SMOC2: variants seen among roughly 807,000 people sequenced by gnomAD.
The protein encoded by SMOC2 is SPARC-related modular calcium-binding protein 2.
SMOC2 carries 39 observed loss-of-function variants against 61.4 expected under a neutral mutation model. The observed-to-expected ratio is 0.64, with a 90% confidence interval of 0.49 to 0.83. The LOEUF is 0.83. SMOC2 is among the 40% of genes least tolerant of loss of function. The pLI is 0.00. For missense variants in SMOC2, 556 were observed against 592.9 expected, an observed-to-expected ratio of 0.94 and a Z score of 0.65; for synonymous variants, 247 against 239.9, an observed-to-expected ratio of 1.03 and a Z score of -0.27.
At chr6:168,497,437 G>A (rs186696474) in intron 1 of SMOC2, among the ~76,000 whole-genome samples, 2 of 152,312 alleles carry the variant, frequency 1.3e-5, no homozygotes, top group African/African-American at 4.8e-5. Context: ...TCCTTTCATA[G>A]GTATCTGTGG....
chr6:168,501,237 G>A (rs1040964599), intron 1 of SMOC2, among the ~76,000 whole-genome samples: 1 of 152,162 alleles, frequency 6.6e-6, no homozygotes, highest in Non-Finnish European at 1.5e-5. Flanking sequence ...AATAACCTGA[G>A]AGATTTCTTA....
At position 168,650,686 on chromosome 6, in the gene SMOC2, C is replaced by T. The variant is rs1288120149; in HGVS notation, c.913C>T (p.Pro305Ser). 2.5e-6 allele frequency: 4 copies of T among 1,613,138 alleles called. No homozygotes were observed. Among genetic ancestry groups the T allele is most frequent in the Admixed American group, 3.3e-5 (2 of 59,954 alleles). ...AACATACACGTGTTTTTCAGGTTGT[C>T]CGGGTGCCAAAAAGCATGAGTTTCT... is the stretch of plus-strand genomic sequence containing the variant. ...LYKGRQLQGC[P>S]GAKKHEFLTS... is the part of the protein sequence containing the mutation. Residue 305 changes from proline to serine, a missense_variant, in exon 10 of 13, where the codon CCG (proline) becomes TCG (serine). By Grantham distance (74) the Pro-to-Ser change is moderately conservative. Coordinates refer to ENST00000356284, the MANE Select transcript of SMOC2 (RefSeq NM_001166412.2).
intron 11 of SMOC2, among the ~76,000 whole-genome samples, chr6:168,658,375 G>A (rs1472127924): frequency 6.6e-6 from 1 of 152,176 alleles, no homozygotes; most frequent in African/African-American, 2.4e-5. Flanking sequence ...GAAAATTAAG[G>A]ATGGGTAGAG....
chr6:168,572,372 C>T (rs1293379986), intron 7 of SMOC2, among the ~76,000 whole-genome samples: 1 of 17,636 alleles, frequency 5.7e-5, no homozygotes, highest in Non-Finnish European at 9.3e-5. Flanking sequence ...TCCCCGCATC[C>T]CCGGGTGCCG....
chr6:168,652,149 C>A (rs1787211062), intron 10 of SMOC2, among the ~76,000 whole-genome samples: 1 of 151,890 alleles, frequency 6.6e-6, no homozygotes. Context: ...AAACTGCAAA[C>A]TAAAAATGAA....
chr6:168,477,634 G>A (rs1486441821), intron 1 of SMOC2, among the ~76,000 whole-genome samples: 1 of 152,148 alleles, frequency 6.6e-6, no homozygotes, highest in Non-Finnish European at 1.5e-5. Flanking sequence ...AAGCAGGGTT[G>A]TTTCTTATTG....
intron 9 of SMOC2, among the ~76,000 whole-genome samples, chr6:168,650,376 C>G (rs995545441): frequency 6.4e-4 from 98 of 152,218 alleles, no homozygotes; most frequent in African/African-American, 2.2e-3. Context: ...CCCGGTGCCT[C>G]TGCTGCCACA....
chr6:168,558,938 C>G (rs538612871), intron 7 of SMOC2, among the ~76,000 whole-genome samples: 1 of 151,034 alleles, frequency 6.6e-6, no homozygotes, highest in Non-Finnish European at 1.5e-5. Flanking sequence ...CACGTGTGTG[C>G]GTGTGCATGC....
intron 2 of SMOC2, among the ~76,000 whole-genome samples, chr6:168,522,482 C>T (rs911464151): frequency 6.6e-5 from 10 of 152,154 alleles, no homozygotes; most frequent in African/African-American, 2.4e-4. Flanking sequence ...AAATATGGTC[C>T]ATCTGTTCAA....
chr6:168,466,323 G>T (rs1781831672), intron 1 of SMOC2, among the ~76,000 whole-genome samples: 1 of 151,872 alleles, frequency 6.6e-6, no homozygotes, highest in Non-Finnish European at 1.5e-5. Context: ...AACTGGAACT[G>T]GGGTGCTCTG....
intron 4 of SMOC2, among the ~76,000 whole-genome samples, chr6:168,529,032 A>T (rs574234166): frequency 2.0e-5 from 3 of 152,308 alleles, no homozygotes; most frequent in East Asian, 3.9e-4. Context: ...TAGTGATATC[A>T]TCTGATAATT....
chr6:168,640,606 G>A (rs777623299), intron 9 of SMOC2, among the ~76,000 whole-genome samples: 18 of 152,198 alleles, frequency 1.2e-4, no homozygotes, highest in Non-Finnish European at 2.2e-4. Context: ...TTGGAGCTAC[G>A]AAATATTTAC....
Position 168,610,652 on chromosome 6 carries a change from C to T in SMOC2, c.907+2413C>T, listed in dbSNP as rs539604628. Reference sequence around the variant, plus strand: ...TGATAATATTTTCACACAAAATTCACTTGTTTGGGGTGAGCAGTTGATTTG... The same window carrying T: ...TGATAATATTTTCACACAAAATTCATTTGTTTGGGGTGAGCAGTTGATTTG... On this transcript the variant is annotated intron_variant, in intron 9 of 12. Transcript: ENST00000356284. Among the ~76,000 whole-genome samples the T allele has an allele frequency of 7.2e-5, 11 of 152,312 alleles. No individual in the cohort carries two copies. The South Asian group carries it at 1.7e-3, about 23-fold the overall frequency.
intron 9 of SMOC2, among the ~76,000 whole-genome samples, chr6:168,632,805 C>G (rs1257858936): frequency 6.6e-6 from 1 of 152,176 alleles, no homozygotes; most frequent in Non-Finnish European, 1.5e-5. Flanking sequence ...CAGAAGCTCC[C>G]AGAGACTGTC....
Position 168,640,651 on chromosome 6 carries a change from T to C in SMOC2, c.908-10030T>C, listed in dbSNP as rs116532031. 2.7e-3 allele frequency among the ~76,000 whole-genome samples: 412 copies of C among 152,302 alleles called. 2 individuals are homozygous for C. The highest frequency in any genetic ancestry group is 9.7e-3 in the African/African-American group (402 of 41,534). ...AGCTTATTTCTTAACAATACATGAA[T>C]TTTTAGAGGTTTATGGTTTAAAAAC... On this transcript the variant is annotated intron_variant, in intron 9 of 12. Transcript: ENST00000356284.
intron 7 of SMOC2, among the ~76,000 whole-genome samples, chr6:168,593,236 A>C (rs28774983): frequency 0.41 from 2,018 of 4,874 alleles, 692 homozygotes; most frequent in Middle Eastern, 1. Flanking sequence ...CTTCCTGAGG[A>C]CTCACGGGCG....
rs540132906 is a variant in SMOC2, at chr6:168,569,568, G to A, written c.637+20365G>A. 4.6e-5 allele frequency among the ~76,000 whole-genome samples: 7 copies of A among 152,246 alleles called. No homozygotes were observed. The South Asian group carries it at 1.5e-3, about 32-fold the overall frequency. On this transcript the variant is annotated intron_variant, in intron 7 of 12. Transcript: ENST00000356284. ...CCATCATCCTGCCTCAGCCTCCTGA[G>A]TAGCTAGGACCACAGGCGCACACCA...
chr6:168,586,071 A>G (rs889568376), intron 7 of SMOC2, among the ~76,000 whole-genome samples: 3 of 152,118 alleles, frequency 2.0e-5, no homozygotes, highest in African/African-American at 7.2e-5. Context: ...GTCTAACCCA[A>G]TATCTCAATA....
intron 1 of SMOC2, among the ~76,000 whole-genome samples, chr6:168,490,009 T>A (rs1469472830): frequency 2.6e-5 from 4 of 152,106 alleles, no homozygotes; most frequent in African/African-American, 9.7e-5. Context: ...TGGGTCCCCT[T>A]GGATCACACT....
Sources: gnomAD v4.1 joint callset for allele counts (sites outside exome capture counted in the v4.1 genomes callset) on GRCh38, gnomAD v4.1.1 for gene constraint, MANE v1.5 for transcripts, NCBI Gene and HGNC (gene_info 2026-07-23, HGNC 2026-07-21) for gene names.